CYP4A22: variants seen among roughly 807,000 people sequenced by gnomAD.
CYP4A22 encodes the protein cytochrome P450 family 4 subfamily A member 22.
A neutral mutation model predicts 56.2 loss-of-function variants in CYP4A22; 46 were observed. That is an observed-to-expected ratio of 0.82 (90% CI 0.65 to 1.05). The LOEUF (loss-of-function observed/expected upper bound fraction) is 1.05. Among genes scored for constraint, CYP4A22 ranks in the 50% least tolerant of loss-of-function variants. The pLI, the probability that CYP4A22 is intolerant of heterozygous loss-of-function variation, is 0.00. For missense variants in CYP4A22, 541 were observed against 645.9 expected (o/e 0.84, Z 1.76); for synonymous variants, 193 against 251.1 (o/e 0.77, Z 2.19).
At chr1:47,146,941 T>C in intron 11 of CYP4A22, 1 of 985,394 alleles carries the variant, frequency 1.0e-6, no homozygotes, top group Non-Finnish European at 1.2e-6. Flanking sequence ...AATTATCATA[T>C]AACGCACAAC....
chr1:47,147,047 G>A lies in CYP4A22; in HGVS notation c.1364+894G>A, dbSNP rs139444277. The A allele has an allele frequency of 1.9e-4, 186 of 985,426 alleles. No individual in the cohort carries two copies. In the East Asian group the frequency reaches 2.0e-3, roughly 11 times the overall value. 61.0% of individuals were successfully genotyped at this position (985,426 alleles called of 1,614,324 possible). A position where few individuals can be genotyped will look rare whatever the true frequency, so the allele number is the denominator to read the frequency against. Reference sequence around the variant, plus strand: ...CAGAATGGCTGCGGTGGAAATCATCGTGGCATCAGGAATCGTCCTGTGACA... The same window carrying A: ...CAGAATGGCTGCGGTGGAAATCATCATGGCATCAGGAATCGTCCTGTGACA... On this transcript the variant is annotated intron_variant, in intron 11 of 11. Transcript: ENST00000371891.
At position 47,149,014 on chromosome 1, in the gene CYP4A22, G is replaced by A; in HGVS notation, c.*217G>A. On this transcript the variant is annotated 3_prime_UTR_variant, in exon 12 of 12. Transcript: ENST00000371891. ...TATATCTTGTTGGGAGAAAAGCTGA[G>A]TGTTGGGAGAAGCTGAGGCCGAGCT... 1 of 519,566 alleles carries A rather than the reference G, an allele frequency of 1.9e-6. No individual in the cohort carries two copies. Among genetic ancestry groups the A allele is most frequent in the Non-Finnish European group, 3.2e-6 (1 of 307,830 alleles). The allele number at this position is 519,566 out of a possible 1,614,324, so 32.2% of individuals were successfully genotyped here. A position where few individuals can be genotyped will look rare whatever the true frequency, so the allele number is the denominator to read the frequency against.
Position 47,137,536 on chromosome 1 carries a change from G to A in CYP4A22, c.51G>A (p.Gly17=), listed in dbSNP as rs776335077. ...GCAGACGCCTGGGTGGTGTCTCCGG[G>A]ATCCTCCAAGTGACCTCCCTGCTCA... is the stretch of plus-strand genomic sequence containing the variant. ...SPSRRLGGVS[G]ILQVTSLLIL... is the part of the protein sequence containing the mutation. The change falls in exon 1 of 12, where the codon GGG becomes GGA. Residue 17 remains glycine, a synonymous_variant. Coordinates refer to ENST00000371891, the MANE Select transcript of CYP4A22 (RefSeq NM_001010969.4). 3.1e-6 allele frequency: 5 copies of A among 1,613,988 alleles called. No individual in the cohort carries two copies. The East Asian group carries it at 8.9e-5, about 29-fold the overall frequency.
rs758927595 is a variant in CYP4A22 at position 47,137,685 on chromosome 1, G to A, written c.195+5G>A. 3 of 1,605,348 alleles carry A rather than the reference G, an allele frequency of 1.9e-6. No individual in the cohort carries two copies. The highest frequency in any genetic ancestry group is 2.6e-6 in the Non-Finnish European group (3 of 1,174,902). On this transcript the variant is annotated splice_donor_5th_base_variant and intron_variant, in intron 1 of 11. Transcript: ENST00000371891. The stretch of plus-strand genomic sequence containing the variant: ...CTCTTCGGGCACATCCAGGAGGTAG[G>A]GAGGAACTCAGTGGGGGAGTGGGAG...
chr1:47,140,991 T>C, intron 2 of CYP4A22, 70 bp downstream of exon 2: 1 of 1,582,472 alleles, frequency 6.3e-7, no homozygotes, highest in South Asian at 1.2e-5. Flanking sequence ...GTCTGTAAAA[T>C]TCCAGAAGAG....
rs779738373 is a variant in CYP4A22, at chr1:47,137,698, G to A, written c.195+18G>A. 1 of 1,596,472 alleles carries A rather than the reference G, an allele frequency of 6.3e-7. No individual in the cohort carries two copies. The highest frequency in any genetic ancestry group is 8.5e-7 in the Non-Finnish European group (1 of 1,170,140). ...TCCAGGAGGTAGGGAGGAACTCAGT[G>A]GGGGAGTGGGAGGGCAAGGAGGGAT... On this transcript the variant is annotated intron_variant, in intron 1 of 11. Coordinates refer to ENST00000371891, the MANE Select transcript of CYP4A22 (RefSeq NM_001010969.4).
In CYP4A22 at chr1:47,140,871, G is replaced by A. The variant is rs564518259; in HGVS notation, c.287G>A (p.Arg96His). 41 of 1,613,980 alleles carry A rather than the reference G, an allele frequency of 2.5e-5. No homozygotes were observed. Among genetic ancestry groups the A allele is most frequent in the Non-Finnish European group, 3.1e-5 (37 of 1,180,026 alleles). Residue 96 changes from arginine to histidine, a missense_variant, in exon 2 of 12, where the codon CGT becomes CAT. Physicochemically the swap from Arg to His is conservative, Grantham distance 29. This residue lies in a region of CYP4A22 where 335 missense variants were observed against 361.2 expected (regional missense o/e 0.93). Transcript: ENST00000371891. ...CPYWIWGGKVRVQLYDPDYMK... is the reference protein window; with the variant it reads ...CPYWIWGGKVHVQLYDPDYMK... ...TATTGGATATGGGGAGGCAAAGTTCGTGTCCAGCTCTATGACCCTGACTAT... is the reference window on the plus strand; with the variant it reads ...TATTGGATATGGGGAGGCAAAGTTCATGTCCAGCTCTATGACCCTGACTAT...
At position 47,148,907 on chromosome 1, in the gene CYP4A22, G is replaced by C. The variant is rs1295514714; in HGVS notation, c.*110G>C. The C allele has an allele frequency of 7.6e-7, 1 of 1,310,660 alleles. No homozygotes were observed. Among genetic ancestry groups the C allele is most frequent in the East Asian group, 2.7e-5 (1 of 37,002 alleles). 81.2% of individuals were successfully genotyped at this position (1,310,660 alleles called of 1,614,324 possible). On this transcript the variant is annotated 3_prime_UTR_variant, in exon 12 of 12. Transcript: ENST00000371891. ...CTTCCCTTCTTCCCACCTGCCTGCT[G>C]TCCCCCAGTCTGCCTGCCCTTCTCT...
intron 11 of CYP4A22, 82 bp from the exon 12 acceptor site, chr1:47,148,520 G>C: frequency 6.6e-7 from 1 of 1,514,848 alleles, no homozygotes; most frequent in South Asian, 1.3e-5. Context: ...CCAGCTCAGG[G>C]CTGGGGTCAG....
intron 1 of CYP4A22, among the ~76,000 whole-genome samples, chr1:47,139,359 T>C (rs577533554): frequency 4.6e-5 from 7 of 152,238 alleles, no homozygotes; most frequent in Non-Finnish European, 1.0e-4. Flanking sequence ...AGAGACCATC[T>C]CTGATTTATG....
chr1:47,143,151 C>T, intron 4 of CYP4A22, 118 bp from the exon 5 acceptor site: 1 of 1,515,416 alleles, frequency 6.6e-7, no homozygotes, highest in East Asian at 2.3e-5. Context: ...GAATCCCAAC[C>T]AAGATATCTG....
At chr1:47,146,453 G>A (rs1645077443) in intron 11 of CYP4A22, 1 of 1,220,412 alleles carries the variant, frequency 8.2e-7, no homozygotes, top group Non-Finnish European at 1.0e-6. Flanking sequence ...TTAAGGATAT[G>A]AATTCTCAAA....
At position 47,140,778 on chromosome 1, in the gene CYP4A22, A is replaced by C; in HGVS notation, c.196-2A>C. The C allele has an allele frequency of 6.2e-7, 1 of 1,614,182 alleles. No individual in the cohort carries two copies. Among genetic ancestry groups the C allele is most frequent in the East Asian group, 2.2e-5 (1 of 44,894 alleles). ...TGTTCATCTGTCTACCCTCGTTGACAGTTCCAACACGACCAGGAGCTACAA... is the reference window on the plus strand; with the variant it reads ...TGTTCATCTGTCTACCCTCGTTGACCGTTCCAACACGACCAGGAGCTACAA... On this transcript the variant is annotated splice_acceptor_variant, in intron 1 of 11. Coordinates refer to ENST00000371891, the MANE Select transcript of CYP4A22 (RefSeq NM_001010969.4). LOFTEE classifies it high-confidence loss of function.
chr1:47,138,450 A>G (rs530369115), intron 1 of CYP4A22, among the ~76,000 whole-genome samples: 2 of 152,214 alleles, frequency 1.3e-5, no homozygotes, highest in Non-Finnish European at 2.9e-5. Flanking sequence ...TGAGCATGTC[A>G]TCCCCTTCCT....
rs552072300 is a variant in CYP4A22, at chr1:47,140,299, A to C, written c.196-481A>C. On this transcript the variant is annotated intron_variant, in intron 1 of 11. Transcript: ENST00000371891. Reference sequence around the variant, plus strand: ...TTTTATAGTTAATCTTTTTTTGCTTAGCCATACACATCCCAAATGCTATTT... The same window carrying C: ...TTTTATAGTTAATCTTTTTTTGCTTCGCCATACACATCCCAAATGCTATTT... Among the ~76,000 whole-genome samples, 6 of 152,312 alleles carry C rather than the reference A, an allele frequency of 3.9e-5. No individual in the cohort carries two copies. In the South Asian group the frequency reaches 1.2e-3, roughly 32 times the overall value.
chr1:47,144,685 G>A lies in CYP4A22; in HGVS notation c.1033G>A (p.Glu345Lys), dbSNP rs1195383964. 2.5e-6 allele frequency: 4 copies of A among 1,613,826 alleles called. No homozygotes were observed. Among genetic ancestry groups the A allele is most frequent in the African/African-American group, 2.7e-5 (2 of 74,902 alleles). ...YALATHPKHQ[E>K]RCREEIHGLL... ...TCTGGCCACACACCCCAAGCATCAG[G>A]AGAGGTGCCGGGAGGAGATCCATGG... The change falls in exon 8 of 12, where the codon GAG (glutamate) becomes AAG (lysine). Residue 345 changes from glutamate (E) to lysine (K), a missense_variant. By Grantham distance (56) the Glu-to-Lys change is moderately conservative (BLOSUM62 1). Transcript: ENST00000371891.
intron 9 of CYP4A22, among the ~76,000 whole-genome samples, 172 bp downstream of exon 9, chr1:47,145,142 G>A (rs1645062743): frequency 6.6e-6 from 1 of 152,218 alleles, no homozygotes; most frequent in African/African-American, 2.4e-5. Flanking sequence ...CCGAGAGCTT[G>A]AACCCACCGA....
chr1:47,148,137 C>A (rs1645095566), intron 11 of CYP4A22, among the ~76,000 whole-genome samples: 1 of 151,902 alleles, frequency 6.6e-6, no homozygotes, highest in Non-Finnish European at 1.5e-5. Flanking sequence ...CCATCGGGGA[C>A]CCCCTATGAG....
intron 1 of CYP4A22, among the ~76,000 whole-genome samples, chr1:47,138,912 A>T (rs1183095404): frequency 6.6e-6 from 1 of 152,216 alleles, no homozygotes; most frequent in East Asian, 1.9e-4. Flanking sequence ...AATTGAACAC[A>T]CTTAAGTAGA....
Sources: allele counts gnomAD v4.1 joint callset (sites outside exome capture counted in the v4.1 genomes callset), GRCh38; gene constraint gnomAD v4.1.1; regional missense constraint gnomAD v4.1.1; transcripts MANE v1.5; gene names NCBI Gene and HGNC (gene_info 2026-07-23, HGNC 2026-07-21).